NAT1: variants seen among roughly 807,000 people sequenced by gnomAD.
NAT1 encodes N-acetyltransferase 1, also known as arylamine N-acetyltransferase 1.
For missense variants in NAT1, 400 were observed against 339.2 expected (o/e 1.18, Z -1.41); for synonymous variants, 144 against 122.6 (o/e 1.17, Z -1.16).
intron 2 of NAT1, among the ~76,000 whole-genome samples, chr8:18,184,976 G>A (rs1161385443): frequency 1.3e-5 from 2 of 152,146 alleles, no homozygotes; most frequent in Non-Finnish European, 2.9e-5. Flanking sequence ...ACTTGGTTGT[G>A]GGCTGCTATC....
Position 18,223,442 on chromosome 8 carries a change from C to T in NAT1, c.*522C>T, listed in dbSNP as rs1805555371. On this transcript the variant is annotated 3_prime_UTR_variant, in exon 3 of 3. Coordinates refer to ENST00000307719, the MANE Select transcript of NAT1 (RefSeq NM_000662.8). ...TTACTTCCTTGCACACTTTGCCATA[C>T]AAGAATGAACATGAGCTTTTCTTGT... 6.0e-6 allele frequency: 1 copy of T among 166,986 alleles called. No homozygotes were observed. The highest frequency in any genetic ancestry group is 2.1e-4 in the South Asian group (1 of 4,830). 10.3% of individuals were successfully genotyped at this position (166,986 alleles called of 1,614,324 possible).
chr8:18,216,236 T>C (rs1449896316), intron 1 of NAT1, among the ~76,000 whole-genome samples: 1 of 152,184 alleles, frequency 6.6e-6, no homozygotes, highest in Non-Finnish European at 1.5e-5. Context: ...ATTTTTATAA[T>C]TGCCAAACGT....
chr8:18,180,180 G>C (rs1802455899), intron 2 of NAT1, among the ~76,000 whole-genome samples: 1 of 152,142 alleles, frequency 6.6e-6, no homozygotes, highest in African/African-American at 2.4e-5. Flanking sequence ...CAAGGTTCTG[G>C]ACCAAGCCTG....
chr8:18,208,398 CA>C (rs1290928647), upstream of NAT1, among the ~76,000 whole-genome samples: 1 of 152,064 alleles, frequency 6.6e-6, no homozygotes, highest in Non-Finnish European at 1.5e-5. Flanking sequence ...CAAAACACGT[CA>C]TAAAAATTGT....
upstream of NAT1, among the ~76,000 whole-genome samples, chr8:18,205,457 G>A (rs1247945946): frequency 3.3e-5 from 5 of 152,150 alleles, no homozygotes. Context: ...TCTGTGCCTA[G>A]TTTCACTCCC....
chr8:18,185,906 T>G (rs879461498), intron 2 of NAT1, among the ~76,000 whole-genome samples: 1 of 152,194 alleles, frequency 6.6e-6, no homozygotes, highest in Non-Finnish European at 1.5e-5. Context: ...TCTTTGATCC[T>G]TGGCTTAGTT....
At chr8:18,188,008 G>GT (rs1802815748) in intron 2 of NAT1, among the ~76,000 whole-genome samples, 2 of 146,468 alleles carry the variant, frequency 1.4e-5, no homozygotes, top group African/African-American at 5.0e-5. Flanking sequence ...CAGCACTATT[G>GT]TTTTGTGGCT....
At chr8:18,183,096 T>C (rs578188966) in intron 2 of NAT1, among the ~76,000 whole-genome samples, 1 of 152,152 alleles carries the variant, frequency 6.6e-6, no homozygotes, top group African/African-American at 2.4e-5. Flanking sequence ...TTCTGAGGAC[T>C]GGGAAGACTA....
chr8:18,201,412 G>T (rs147315930), intron 2 of NAT1, among the ~76,000 whole-genome samples: 1 of 152,078 alleles, frequency 6.6e-6, no homozygotes, highest in Non-Finnish European at 1.5e-5. Context: ...ACTGCAATCA[G>T]GCATCCAGGA....
intron 2 of NAT1, among the ~76,000 whole-genome samples, chr8:18,181,638 G>C (rs1460022684): frequency 1.3e-5 from 2 of 152,120 alleles, no homozygotes; most frequent in Non-Finnish European, 2.9e-5. Flanking sequence ...GTGAAAGTGG[G>C]CATACTTGTC....
rs1160682637 is a variant in NAT1 at position 18,223,002 on chromosome 8, C to A, written c.*82C>A. On this transcript the variant is annotated 3_prime_UTR_variant, in exon 3 of 3. Transcript: ENST00000307719. ...ACGACCTATCATGTATCTTCTGTAC[C>A]CTTACCTTATTTTGAAGAAAATCCT... The A allele has an allele frequency of 1.8e-6, 2 of 1,135,648 alleles. No homozygotes were observed. Among genetic ancestry groups the A allele is most frequent in the Non-Finnish European group, 2.3e-6 (2 of 858,694 alleles). 70.3% of individuals were successfully genotyped at this position (1,135,648 alleles called of 1,614,324 possible).
intron 2 of NAT1, among the ~76,000 whole-genome samples, chr8:18,219,873 G>C (rs1241533134): frequency 6.6e-6 from 1 of 152,106 alleles, no homozygotes; most frequent in African/African-American, 2.4e-5. Flanking sequence ...AGGAGGGGAA[G>C]GGTGGAGGGA....
chr8:18,196,405 G>GA (rs573647908), intron 2 of NAT1, among the ~76,000 whole-genome samples: 20 of 146,312 alleles, frequency 1.4e-4, no homozygotes, highest in East Asian at 2.0e-4. Context: ...GAGGAAAAAA[G>GA]AAAAAAAAAA....
intron 2 of NAT1, among the ~76,000 whole-genome samples, chr8:18,196,737 T>C (rs1247201558): frequency 6.6e-6 from 1 of 152,184 alleles, no homozygotes; most frequent in East Asian, 1.9e-4. Flanking sequence ...CATCATTACA[T>C]TTAGAAACAC....
chr8:18,181,705 C>T (rs952152105), intron 2 of NAT1, among the ~76,000 whole-genome samples: 2 of 152,242 alleles, frequency 1.3e-5, no homozygotes, highest in African/African-American at 2.4e-5. Flanking sequence ...ATGATGTTAG[C>T]TGCGGGTTGT....
chr8:18,172,892 T>A (rs1233130522), intron 2 of NAT1, among the ~76,000 whole-genome samples: 3 of 152,090 alleles, frequency 2.0e-5, no homozygotes, highest in Admixed American at 2.0e-4. Flanking sequence ...CAGGGAGACT[T>A]TCTAAAACGA....
At position 18,184,427 on chromosome 8, in the gene NAT1, C is replaced by G. The variant is rs538924534; in HGVS notation, n.92+13688C>G. ...AGCTCTGGGCCTGTGATTAGAGGGGCAGCCTTGAAGACCTCCAAAATGCCT... is the reference window on the plus strand; with the variant it reads ...AGCTCTGGGCCTGTGATTAGAGGGGGAGCCTTGAAGACCTCCAAAATGCCT... On this transcript the variant is annotated intron_variant and non_coding_transcript_variant, in intron 2 of 4. Transcript: ENST00000517441. Among the ~76,000 whole-genome samples, 388 of 152,284 alleles carry G rather than the reference C, an allele frequency of 2.5e-3. 2 individuals are homozygous for G. Among genetic ancestry groups the G allele is most frequent in the South Asian group, 0.011 (55 of 4,824 alleles).
At chr8:18,216,069 T>A (rs896922160) in intron 1 of NAT1, among the ~76,000 whole-genome samples, 4 of 146,698 alleles carry the variant, frequency 2.7e-5, no homozygotes, top group Non-Finnish European at 6.0e-5. Context: ...TGCTTTTTTT[T>A]GCATAAGATG....
chr8:18,180,886 C>T (rs1248737777), intron 2 of NAT1, among the ~76,000 whole-genome samples: 1 of 152,102 alleles, frequency 6.6e-6, no homozygotes, highest in Non-Finnish European at 1.5e-5. Context: ...ATGCCAATAC[C>T]ATGCTGCTTT....
Sources: allele counts gnomAD v4.1 joint callset (sites outside exome capture counted in the v4.1 genomes callset), GRCh38; gene constraint gnomAD v4.1.1; transcripts MANE v1.5; gene names NCBI Gene and HGNC (gene_info 2026-07-23, HGNC 2026-07-21).